Variants in CDCA3 observed in about 807,000 individuals in gnomAD.
CDCA3 encodes cell division cycle associated 3.
In CDCA3, 16 loss-of-function variants were observed where a neutral mutation model predicts 29.1. The ratio of observed to expected loss-of-function variants is 0.55; its 90% CI spans 0.37 to 0.83. The LOEUF is 0.83. Among genes scored for constraint, CDCA3 ranks in the 40% least tolerant of loss-of-function variants. The probability of loss-of-function intolerance (pLI) is 0.00; values close to 1 mark genes in which losing one functional copy is unlikely to be tolerated. For missense variants in CDCA3, 291 were observed against 327.2 expected (o/e 0.89, Z 0.85); for synonymous variants, 88 against 124.5 (o/e 0.71, Z 1.95).
Position 6,849,857 on chromosome 12 carries a change from G to C in CDCA3, c.252C>G (p.Asp84Glu). Reference sequence around the variant, plus strand: ...GCTGTTTCACCAGTGGGCTTGGGGGGTCTAGAGGAAGAAAGTGAAGTGAAC... The same window carrying C: ...GCTGTTTCACCAGTGGGCTTGGGGGCTCTAGAGGAAGAAAGTGAAGTGAAC... ...ARTPMKTSSG[D>E]PPSPLVKQLS... The change falls in exon 4 of 6, where the codon GAC (aspartate) becomes GAG (glutamate). Residue 84 changes from aspartate to glutamate, a missense_variant and splice_region_variant. Coordinates refer to ENST00000538862, the MANE Select transcript of CDCA3 (RefSeq NM_031299.7). The surrounding 1 kb of genome is among the most constrained non-coding windows in gnomAD (Gnocchi z 5.2). 3 of 1,521,828 alleles carry C rather than the reference G, an allele frequency of 2.0e-6. No homozygotes were observed. Among genetic ancestry groups the C allele is most frequent in the Non-Finnish European group, 2.6e-6 (3 of 1,134,474 alleles). The allele number at this position is 1,521,828 out of a possible 1,614,324, so 94.3% of individuals were successfully genotyped here.
chr12:6,849,745 A>T lies in CDCA3; in HGVS notation c.364T>A (p.Leu122Met), dbSNP rs781851667. The T allele has an allele frequency of 6.2e-7, 1 of 1,613,608 alleles. No individual in the cohort carries two copies. The highest frequency in any genetic ancestry group is 8.5e-7 in the Non-Finnish European group (1 of 1,179,686). Residue 122 changes from leucine to methionine, a missense_variant, in exon 4 of 6, where the codon TTG (leucine) becomes ATG (methionine). Leu to Met is a conservative substitution (Grantham distance 15). Coordinates refer to ENST00000538862, the MANE Select transcript of CDCA3 (RefSeq NM_031299.7). The surrounding 1 kb of genome is among the most constrained non-coding windows in gnomAD (Gnocchi z 5.2). ...LPPEAPLSSELDLPLGTQLSV... is the reference protein window; with the variant it reads ...LPPEAPLSSEMDLPLGTQLSV... Reference sequence around the variant, plus strand: ...AACTGGGTACCCAGAGGCAAGTCCAATTCAGAAGATAAAGGTGCCTCTGGG... The same window carrying T: ...AACTGGGTACCCAGAGGCAAGTCCATTTCAGAAGATAAAGGTGCCTCTGGG...
chr12:6,850,997 G>A lies in CDCA3; in HGVS notation c.-45C>T, dbSNP rs782013369. On this transcript the variant is annotated 5_prime_UTR_variant, in exon 2 of 6. Transcript: ENST00000538862. The surrounding 1 kb of genome is among the most constrained non-coding windows in gnomAD (Gnocchi z 4.7). ...GTGGGGGCAAGGGCCAGCCCGGGAC[G>A]AGGAGGGAATGCCTGTGAGAAGTGA... 3.2e-6 allele frequency: 5 copies of A among 1,583,858 alleles called. No individual in the cohort carries two copies. The highest frequency in any genetic ancestry group is 4.3e-6 in the Non-Finnish European group (5 of 1,170,306).
At position 6,850,626 on chromosome 12, in the gene CDCA3, G is replaced by A. The variant is rs781808533; in HGVS notation, c.121-30C>T. The stretch of plus-strand genomic sequence containing the variant: ...CAAGACCATAGGCTAGAACAAGTCT[G>A]GGCCCTGACTCTTCTCTCCTCTCCT... On this transcript the variant is annotated intron_variant, in intron 2 of 5. Coordinates refer to ENST00000538862, the MANE Select transcript of CDCA3 (RefSeq NM_031299.7). The surrounding 1 kb of genome is among the most constrained non-coding windows in gnomAD (Gnocchi z 4.7). 14 of 1,613,784 alleles carry A rather than the reference G, an allele frequency of 8.7e-6. No individual in the cohort carries two copies. The highest frequency in any genetic ancestry group is 1.6e-4 in the Middle Eastern group (1 of 6,080).
In CDCA3 at chr12:6,850,292, A is replaced by T; in HGVS notation, c.250+175T>A. The T allele has an allele frequency of 1.2e-6, 1 of 829,554 alleles. No individual in the cohort carries two copies. Among genetic ancestry groups the T allele is most frequent in the Non-Finnish European group, 1.9e-6 (1 of 530,572 alleles). The allele number at this position is 829,554 out of a possible 1,614,324, so 51.4% of individuals were successfully genotyped here. ...CCCGGCCTTCCAACGTGCTGGGATT[A>T]CAGGCATGAGCCACCGCACCCAGGC... On this transcript the variant is annotated intron_variant, in intron 3 of 5. Transcript: ENST00000538862. The surrounding 1 kb of genome is among the most constrained non-coding windows in gnomAD (Gnocchi z 4.7).
chr12:6,849,246 G>A lies in CDCA3; in HGVS notation c.652-48C>T, dbSNP rs782444755. The A allele has an allele frequency of 2.5e-5, 41 of 1,610,788 alleles. No individual in the cohort carries two copies. The highest frequency in any genetic ancestry group is 3.5e-5 in the Non-Finnish European group (41 of 1,177,910). Reference sequence around the variant, plus strand: ...TGGGGGGAGTTGCTGTTCAGAAGAGGGAAGATCTGGGTAAAAGGGTCTCCC... The same window carrying A: ...TGGGGGGAGTTGCTGTTCAGAAGAGAGAAGATCTGGGTAAAAGGGTCTCCC... On this transcript the variant is annotated intron_variant, in intron 5 of 5. Transcript: ENST00000538862. The surrounding 1 kb of genome is among the most constrained non-coding windows in gnomAD (Gnocchi z 5.2).
At chr12:6,846,863 G>A, downstream of CDCA3, 2 of 1,598,860 alleles carry the variant, frequency 1.3e-6, no homozygotes, top group Non-Finnish European at 1.7e-6. Flanking sequence ...TGTGGCCACA[G>A]GTTCCTGGGA....
In CDCA3 at chr12:6,850,604, G is replaced by T; in HGVS notation, c.121-8C>A. On this transcript the variant is annotated splice_polypyrimidine_tract_variant and splice_region_variant and intron_variant, in intron 2 of 5. Transcript: ENST00000538862. This position sits in a 1 kb window ranked among gnomAD's most constrained non-coding sequence, Gnocchi z 4.7. ...CTGTGGAGAGCTCTCCACCTGTCAA[G>T]ACCATAGGCTAGAACAAGTCTGGGC... 4 of 1,614,074 alleles carry T rather than the reference G, an allele frequency of 2.5e-6. No homozygotes were observed. Among genetic ancestry groups the T allele is most frequent in the South Asian group, 1.1e-5 (1 of 91,070 alleles).
downstream of CDCA3, chr12:6,845,923 T>G: frequency 1.4e-6 from 1 of 705,640 alleles, no homozygotes; most frequent in Non-Finnish European, 2.5e-6. Flanking sequence ...CCCTTGTCAC[T>G]GGGTGACTCC....
rs782444755 is a variant in CDCA3 at position 6,849,246 on chromosome 12, G to C, written c.652-48C>G. On this transcript the variant is annotated intron_variant, in intron 5 of 5. Transcript: ENST00000538862. The surrounding 1 kb of genome is among the most constrained non-coding windows in gnomAD (Gnocchi z 5.2). Reference sequence around the variant, plus strand: ...TGGGGGGAGTTGCTGTTCAGAAGAGGGAAGATCTGGGTAAAAGGGTCTCCC... The same window carrying C: ...TGGGGGGAGTTGCTGTTCAGAAGAGCGAAGATCTGGGTAAAAGGGTCTCCC... The C allele has an allele frequency of 2.5e-6, 4 of 1,610,788 alleles. No individual in the cohort carries two copies. The highest frequency in any genetic ancestry group is 2.5e-6 in the Non-Finnish European group (3 of 1,177,910).
At chr12:6,846,844 C>T (rs373634972), downstream of CDCA3, 38 of 1,602,462 alleles carry the variant, frequency 2.4e-5, no homozygotes, top group African/African-American at 2.1e-4. Flanking sequence ...TCACAGCTGA[C>T]GGGATGGCTG....
rs1305044129 is a variant in CDCA3 at position 6,849,923 on chromosome 12, A to G, written c.251-65T>C. 7.2e-7 allele frequency: 1 copy of G among 1,380,936 alleles called. No individual in the cohort carries two copies. The highest frequency in any genetic ancestry group is 1.5e-5 in the South Asian group (1 of 65,182). The allele number at this position is 1,380,936 out of a possible 1,614,324, so 85.5% of individuals were successfully genotyped here. ...CACAACATTCAGCAAGGAGCAAAAC[A>G]TACAGAAACCCAGGACTCATGCCCA... On this transcript the variant is annotated intron_variant, in intron 3 of 5. Coordinates refer to ENST00000538862, the MANE Select transcript of CDCA3 (RefSeq NM_031299.7). The surrounding 1 kb of genome is among the most constrained non-coding windows in gnomAD (Gnocchi z 5.2).
chr12:6,845,801 G>A (rs1943683117), downstream of CDCA3: 3 of 1,610,062 alleles, frequency 1.9e-6, no homozygotes, highest in Non-Finnish European at 2.6e-6. Flanking sequence ...CTGAGCGTGT[G>A]GGTAAGGGCC....
rs1943800136 is a variant in CDCA3, at chr12:6,849,967, AAG to A, written c.251-111_251-110del. 2.9e-6 allele frequency: 3 copies of A among 1,033,928 alleles called. No individual in the cohort carries two copies. Among genetic ancestry groups the A allele is most frequent in the Non-Finnish European group, 4.0e-6 (3 of 740,950 alleles). The allele number at this position is 1,033,928 out of a possible 1,614,324, so 64.0% of individuals were successfully genotyped here. A position where few individuals can be genotyped will look rare whatever the true frequency, so the allele number is the denominator to read the frequency against. On this transcript the variant is annotated intron_variant, in intron 3 of 5. Coordinates refer to ENST00000538862, the MANE Select transcript of CDCA3 (RefSeq NM_031299.7). The surrounding 1 kb of genome is among the most constrained non-coding windows in gnomAD (Gnocchi z 5.2). The stretch of plus-strand genomic sequence containing the variant: ...ATGCCCAGGAGGGTGAGCAAGTGGG[AAG>A]AGAGAAATCAAGGAAATCAAGGTGA...
Position 6,851,248 on chromosome 12 carries a change from A to C in CDCA3, c.-84T>G, listed in dbSNP as rs1306655698. On this transcript the variant is annotated 5_prime_UTR_variant, in exon 1 of 6. Transcript: ENST00000538862. ...GGGCCCCAATTCCACCTCTGGATGC[A>C]CAACAGCTCGTGGCTCAACTCCCGA... The C allele has an allele frequency of 8.5e-7, 1 of 1,176,464 alleles. No individual in the cohort carries two copies. Among genetic ancestry groups the C allele is most frequent in the East Asian group, 4.7e-5 (1 of 21,348 alleles). 72.9% of individuals were successfully genotyped at this position (1,176,464 alleles called of 1,614,324 possible). A position where few individuals can be genotyped will look rare whatever the true frequency, so the allele number is the denominator to read the frequency against.
At chr12:6,844,877 G>A (rs1158297023), downstream of CDCA3, 8 of 152,082 alleles carry the variant, frequency 5.3e-5, no homozygotes, top group South Asian at 2.1e-4. Flanking sequence ...AGTACTTCCC[G>A]AAACAAAGCC....
At chr12:6,845,459 G>A, downstream of CDCA3, 1 of 658,066 alleles carries the variant, frequency 1.5e-6, no homozygotes, top group Non-Finnish European at 2.7e-6. Flanking sequence ...CCAAACCAAG[G>A]GAGGGACAGG....
chr12:6,845,808 G>C, downstream of CDCA3: 2 of 1,597,618 alleles, frequency 1.3e-6, no homozygotes, highest in South Asian at 2.2e-5. Flanking sequence ...TGTGGGTAAG[G>C]GCCAGCCCTG....
At position 6,849,937 on chromosome 12, in the gene CDCA3, G is replaced by A; in HGVS notation, c.251-79C>T. The A allele has an allele frequency of 7.8e-7, 1 of 1,283,344 alleles. No homozygotes were observed. The allele number at this position is 1,283,344 out of a possible 1,614,324, so 79.5% of individuals were successfully genotyped here. On this transcript the variant is annotated intron_variant, in intron 3 of 5. Coordinates refer to ENST00000538862, the MANE Select transcript of CDCA3 (RefSeq NM_031299.7). The surrounding 1 kb of genome is among the most constrained non-coding windows in gnomAD (Gnocchi z 5.2). ...AGGAGCAAAACATACAGAAACCCAG[G>A]ACTCATGCCCAGGAGGGTGAGCAAG...
At chr12:6,851,057 C>T in intron 1 of CDCA3, 48 bp from the exon 2 acceptor site, 1 of 1,456,232 alleles carries the variant, frequency 6.9e-7, no homozygotes, top group Non-Finnish European at 9.0e-7. Flanking sequence ...CCACGTCGGA[C>T]CTTCAACCCT....
Sources: allele counts gnomAD v4.1 joint callset, GRCh38; gene constraint gnomAD v4.1.1; non-coding constraint Gnocchi (gnomAD v3.1); transcripts MANE v1.5; gene names NCBI Gene and HGNC (gene_info 2026-07-23, HGNC 2026-07-21).